C11orf71: variants seen among roughly 807,000 people sequenced by gnomAD.
The protein encoded by C11orf71 is chromosome 11 open reading frame 71.
For missense variants in C11orf71, 179 were observed against 167.6 expected (o/e 1.07, Z -0.38); for synonymous variants, 72 against 73.4 (o/e 0.98, Z 0.09).
At chr11:114,396,048 C>A (rs914598604), downstream of C11orf71, among the ~76,000 whole-genome samples, 1 of 152,172 alleles carries the variant, frequency 6.6e-6, no homozygotes, top group Non-Finnish European at 1.5e-5. Context: ...CCCGACCAAT[C>A]GTGCCCCACT....
chr11:114,399,842 G>T lies in C11orf71; in HGVS notation c.*118C>A. On this transcript the variant is annotated 3_prime_UTR_variant, in exon 1 of 1. Coordinates refer to ENST00000623205, the MANE Select transcript of C11orf71 (RefSeq NM_001271562.2). ...TAGGACATATTCATATAACTCCCAC[G>T]TATTAAATGAAAATACATCCATCTA... The T allele has an allele frequency of 7.5e-7, 1 of 1,332,630 alleles. No individual in the cohort carries two copies. The highest frequency in any genetic ancestry group is 9.9e-7 in the Non-Finnish European group (1 of 1,005,056). 82.6% of individuals were successfully genotyped at this position (1,332,630 alleles called of 1,614,324 possible). A position where few individuals can be genotyped will look rare whatever the true frequency, so the allele number is the denominator to read the frequency against.
Position 114,400,160 on chromosome 11 carries a change from G to C in C11orf71, c.172C>G (p.Arg58Gly). The C allele has an allele frequency of 1.2e-6, 2 of 1,613,776 alleles. No homozygotes were observed. The highest frequency in any genetic ancestry group is 1.7e-6 in the Non-Finnish European group (2 of 1,179,866). ...CGGCTCTCGGCCCGAACGCTTGGTCGCACCGCCTGCCGAGGTCCTAGATGA... is the reference window on the plus strand; with the variant it reads ...CGGCTCTCGGCCCGAACGCTTGGTCCCACCGCCTGCCGAGGTCCTAGATGA... ...AIHLGPRQAV[R>G]PSVRAESRRV... The change falls in exon 1 of 1, where the codon CGA becomes GGA. Residue 58 changes from arginine (R) to glycine (G), a missense_variant. By Grantham distance (125) the Arg-to-Gly change is moderately radical (BLOSUM62 -2). Transcript: ENST00000623205.
intron 1 of C11orf71, among the ~76,000 whole-genome samples, chr11:114,393,477 T>G (rs1565256053): frequency 6.6e-6 from 1 of 152,338 alleles, no homozygotes; most frequent in East Asian, 1.9e-4. Context: ...TAATAGAATT[T>G]TATAAATGCC....
chr11:114,394,212 T>TCTTTCCTTTC (rs1946099879), downstream of C11orf71, among the ~76,000 whole-genome samples: 1 of 58,452 alleles, frequency 1.7e-5, no homozygotes, highest in Non-Finnish European at 2.9e-5. Context: ...TCTTTTCTTT[T>TCTTTCCTTTC]CTTTTCTTTT....
chr11:114,392,599 T>A (rs1591191789), intron 1 of C11orf71, among the ~76,000 whole-genome samples: 2 of 141,480 alleles, frequency 1.4e-5, no homozygotes, highest in South Asian at 4.6e-4. Flanking sequence ...GGTATGGTGG[T>A]GTGTGCCTGT....
downstream of C11orf71, among the ~76,000 whole-genome samples, chr11:114,397,538 A>G (rs1190904997): frequency 6.6e-6 from 1 of 151,650 alleles, no homozygotes; most frequent in Non-Finnish European, 1.5e-5. Flanking sequence ...CTCTTGCCAA[A>G]CAAAACACAA....
At chr11:114,394,228 C>CCTTTCTTTTCT (rs1946101542), downstream of C11orf71, among the ~76,000 whole-genome samples, 18 of 48,700 alleles carry the variant, frequency 3.7e-4, 3 homozygotes, top group Non-Finnish European at 4.7e-4. Context: ...CTTTTCTTTT[C>CCTTTCTTTTCT]TTTCTTTTCT....
chr11:114,392,199 T>C (rs1946078055), intron 1 of C11orf71, among the ~76,000 whole-genome samples: 1 of 151,992 alleles, frequency 6.6e-6, no homozygotes. Context: ...GCCCAGGAAT[T>C]CAAGACTAGC....
Position 114,400,086 on chromosome 11 carries a change from G to A in C11orf71, c.246C>T (p.Gly82=). 1 of 1,613,866 alleles carries A rather than the reference G, an allele frequency of 6.2e-7. No homozygotes were observed. The highest frequency in any genetic ancestry group is 1.3e-5 in the African/African-American group (1 of 75,046). The change falls in exon 1 of 1, where the codon GGC becomes GGT. Residue 82 remains glycine (G), a synonymous_variant. Transcript: ENST00000623205. ...GRSPREPDGR[G]RSRQARFSPY... is the part of the protein sequence containing the mutation. ...GTGAGAATCTGGCTTGGCGGCTCCG[G>A]CCCCGGCCATCTGGTTCCCTTGGGC...
intron 1 of C11orf71, among the ~76,000 whole-genome samples, chr11:114,393,317 A>G (rs925549479): frequency 6.6e-6 from 1 of 152,240 alleles, no homozygotes; most frequent in Non-Finnish European, 1.5e-5. Flanking sequence ...GAGTTCTAAC[A>G]GTGTCTTTTA....
intron 1 of C11orf71, among the ~76,000 whole-genome samples, chr11:114,392,194 G>C (rs570602361): frequency 2.6e-5 from 4 of 152,000 alleles, no homozygotes; most frequent in African/African-American, 4.8e-5. Context: ...CTCGAGCCCA[G>C]GAATTCAAGA....
In C11orf71 at chr11:114,400,405, T is replaced by TC; in HGVS notation, c.-75dup. The TC allele has an allele frequency of 6.7e-7, 1 of 1,489,898 alleles. No individual in the cohort carries two copies. Among genetic ancestry groups the TC allele is most frequent in the South Asian group, 1.4e-5 (1 of 73,636 alleles). 92.3% of individuals were successfully genotyped at this position (1,489,898 alleles called of 1,614,324 possible). ...GGCCCTTCGCGGCTCCCCAGATCAG[T>TC]CCAGCCTGTGTCGGACCCGATGACT... On this transcript the variant is annotated 5_prime_UTR_variant, in exon 1 of 1. It removes the in-frame stop codon of an upstream open reading frame in the 5' UTR. Transcript: ENST00000623205.
rs606671 is a variant in C11orf71, at chr11:114,400,485, T to C, written c.-154A>G. On this transcript the variant is annotated 5_prime_UTR_variant, in exon 1 of 1. Coordinates refer to ENST00000623205, the MANE Select transcript of C11orf71 (RefSeq NM_001271562.2). ...CGGAAGAGCCAGAAGCCGCCTTGCC[T>C]TTAACGAGGGGTATCCTGGCGAGCA... 100,248 of 1,284,480 alleles carry C rather than the reference T, an allele frequency of 0.078. 5,798 individuals are homozygous for C. The highest frequency in any genetic ancestry group is 0.27 in the African/African-American group (17,758 of 66,652). 79.6% of individuals were successfully genotyped at this position (1,284,480 alleles called of 1,614,324 possible).
chr11:114,394,252 CT>C (rs1310830967), downstream of C11orf71, among the ~76,000 whole-genome samples: 67 of 66,570 alleles, frequency 1.0e-3, 2 homozygotes, highest in African/African-American at 5.2e-3. Context: ...CTTTTCTTTT[CT>C]TTTCTTTTCT....
At chr11:114,397,881 A>C (rs1008374358), downstream of C11orf71, among the ~76,000 whole-genome samples, 3 of 152,154 alleles carry the variant, frequency 2.0e-5, no homozygotes, top group Admixed American at 2.0e-4. Flanking sequence ...TGGTCACCCA[A>C]TATGTCATAC....
In C11orf71 at chr11:114,398,671, A is replaced by G. The variant is rs1946147006; in HGVS notation, c.*1289T>C. The G allele has an allele frequency of 6.6e-6, 1 of 152,166 alleles. No homozygotes were observed. Among genetic ancestry groups the G allele is most frequent in the Non-Finnish European group, 1.5e-5 (1 of 68,026 alleles). 9.4% of individuals were successfully genotyped at this position (152,166 alleles called of 1,614,324 possible). A position where few individuals can be genotyped will look rare whatever the true frequency, so the allele number is the denominator to read the frequency against. On this transcript the variant is annotated 3_prime_UTR_variant, in exon 1 of 1. Coordinates refer to ENST00000623205, the MANE Select transcript of C11orf71 (RefSeq NM_001271562.2). ...ACATAGCACTCAATAAAAGGTAGCT[A>G]TTACTATTCTTTCAATCATTCTTCC...
At chr11:114,394,087 C>G (rs965308814), downstream of C11orf71, among the ~76,000 whole-genome samples, 3 of 151,800 alleles carry the variant, frequency 2.0e-5, no homozygotes, top group Admixed American at 6.6e-5. Context: ...TCACGCCATT[C>G]TCCTGCCTCA....
chr11:114,399,840 A>ATTT lies in C11orf71; in HGVS notation c.*119_*120insAAA. 1 of 1,320,800 alleles carries ATTT rather than the reference A, an allele frequency of 7.6e-7. No homozygotes were observed. Among genetic ancestry groups the ATTT allele is most frequent in the Non-Finnish European group, 1.0e-6 (1 of 994,232 alleles). The allele number at this position is 1,320,800 out of a possible 1,614,324, so 81.8% of individuals were successfully genotyped here. ...GCTAGGACATATTCATATAACTCCC[A>ATTT]CGTATTAAATGAAAATACATCCATC... is the stretch of plus-strand genomic sequence containing the variant. On this transcript the variant is annotated 3_prime_UTR_variant, in exon 1 of 1. Transcript: ENST00000623205.
intron 1 of C11orf71, among the ~76,000 whole-genome samples, chr11:114,393,294 C>A (rs1232581607): frequency 6.6e-6 from 1 of 152,192 alleles, no homozygotes; most frequent in Non-Finnish European, 1.5e-5. Context: ...ATAAATTTTA[C>A]AAGCTCAAGG....
Sources: gnomAD v4.1 joint callset for allele counts (sites outside exome capture counted in the v4.1 genomes callset) on GRCh38, gnomAD v4.1.1 for gene constraint, MANE v1.5 for transcripts, NCBI Gene and HGNC (gene_info 2026-07-23, HGNC 2026-07-21) for gene names.